FIGN: variants seen among roughly 807,000 people sequenced by gnomAD.
FIGN encodes fidgetin.
A neutral mutation model predicts 51.3 loss-of-function variants in FIGN; 11 were observed. That is an observed-to-expected ratio of 0.21 (90% CI 0.13 to 0.35). The LOEUF (loss-of-function observed/expected upper bound fraction) is 0.35. Among genes scored for constraint, FIGN ranks in the 10% least tolerant of loss-of-function variants. The pLI is 1.00. For synonymous variants in FIGN, 407 were observed against 363.2 expected (o/e 1.12, Z -1.37); for missense variants, 857 against 943.6 (o/e 0.91, Z 1.20).
chr2:163,677,904 T>A (rs946772135), intron 2 of FIGN, among the ~76,000 whole-genome samples: 1 of 152,208 alleles, frequency 6.6e-6, no homozygotes, highest in African/African-American at 2.4e-5. Flanking sequence ...AGATGCAATA[T>A]ATACTGAATA....
intron 2 of FIGN, among the ~76,000 whole-genome samples, chr2:163,643,932 C>CAAAAAAAAAAAAAAAAAAAAAAAAA (rs1162234909): frequency 1.0e-4 from 2 of 19,078 alleles, no homozygotes; most frequent in African/African-American, 2.0e-4. Flanking sequence ...AACTCTGTCT[C>CAAAAAAAAAAAAAAAAAAAAAAAAA]AAAAAAAAAA....
Position 163,610,430 on chromosome 2 carries a change from G to A in FIGN, c.1402C>T (p.Leu468Phe). The change falls in exon 3 of 3, where the codon CTC becomes TTC. Residue 468 changes from leucine to phenylalanine, a missense_variant. Coordinates refer to ENST00000333129, the MANE Select transcript of FIGN (RefSeq NM_018086.4). ...ATCTCATTGGTTACCAGGTCGATGAGGTGCGTGTCAGTATTCTTCAGTTGC... is the reference window on the plus strand; with the variant it reads ...ATCTCATTGGTTACCAGGTCGATGAAGTGCGTGTCAGTATTCTTCAGTTGC... ...DEQLKNTDTH[L>F]IDLVTNEIIT... is the part of the protein sequence containing the mutation. 1 of 1,614,132 alleles carries A rather than the reference G, an allele frequency of 6.2e-7. No individual in the cohort carries two copies. The highest frequency in any genetic ancestry group is 8.5e-7 in the Non-Finnish European group (1 of 1,180,026).
chr2:163,699,284 A>C (rs1051093581), intron 2 of FIGN, among the ~76,000 whole-genome samples: 2 of 151,934 alleles, frequency 1.3e-5, no homozygotes, highest in Non-Finnish European at 2.9e-5. Context: ...TAAAATTAAG[A>C]TAATTTTTTT....
intron 2 of FIGN, among the ~76,000 whole-genome samples, chr2:163,697,225 C>T (rs1411468247): frequency 4.0e-5 from 6 of 151,290 alleles, no homozygotes; most frequent in South Asian, 2.1e-4. Context: ...CCCAGCCTCC[C>T]GAGTAGCTGG....
chr2:163,621,779 T>C (rs974944983), intron 2 of FIGN, among the ~76,000 whole-genome samples: 1 of 152,146 alleles, frequency 6.6e-6, no homozygotes, highest in Non-Finnish European at 1.5e-5. Context: ...CTTTCATTTG[T>C]AAAAACAAAG....
chr2:163,694,386 T>A (rs1396537300), intron 2 of FIGN, among the ~76,000 whole-genome samples: 1 of 152,196 alleles, frequency 6.6e-6, no homozygotes, highest in Non-Finnish European at 1.5e-5. Context: ...ATTAGCATTC[T>A]AGGGGCTCTA....
At chr2:163,701,206 T>C (rs1684402980) in intron 2 of FIGN, among the ~76,000 whole-genome samples, 4 of 152,180 alleles carry the variant, frequency 2.6e-5, no homozygotes, top group Admixed American at 2.6e-4. Context: ...ATTTCCTTAA[T>C]CTCAGTTTTG....
At chr2:163,673,084 C>T (rs1039384548) in intron 2 of FIGN, among the ~76,000 whole-genome samples, 1 of 151,852 alleles carries the variant, frequency 6.6e-6, no homozygotes, top group Non-Finnish European at 1.5e-5. Context: ...CAGCTTACGA[C>T]AGAAAAATAT....
At chr2:163,643,090 T>A (rs1270657001) in intron 2 of FIGN, among the ~76,000 whole-genome samples, 1 of 152,080 alleles carries the variant, frequency 6.6e-6, no homozygotes, top group Non-Finnish European at 1.5e-5. Flanking sequence ...CAATCTTATT[T>A]AAAAAAAGCA....
intron 2 of FIGN, among the ~76,000 whole-genome samples, chr2:163,649,849 C>G (rs1380543270): frequency 6.6e-6 from 1 of 152,138 alleles, no homozygotes; most frequent in Non-Finnish European, 1.5e-5. Flanking sequence ...CCCTGCGGAG[C>G]ATGGAAGAAA....
intron 2 of FIGN, among the ~76,000 whole-genome samples, chr2:163,624,704 A>AT (rs1683027731): frequency 7.5e-6 from 1 of 134,166 alleles, no homozygotes; most frequent in African/African-American, 2.8e-5. Flanking sequence ...ATATATATAT[A>AT]TATATTTTTT....
At chr2:163,664,300 G>A (rs1012316644) in intron 2 of FIGN, among the ~76,000 whole-genome samples, 2 of 152,142 alleles carry the variant, frequency 1.3e-5, no homozygotes, top group African/African-American at 4.8e-5. Context: ...TCCTTCAGCT[G>A]GCTTCCAAAG....
intron 2 of FIGN, among the ~76,000 whole-genome samples, chr2:163,629,316 A>T (rs1287734487): frequency 6.6e-6 from 1 of 152,204 alleles, no homozygotes; most frequent in African/African-American, 2.4e-5. Context: ...GTCAAGTATG[A>T]TTAGGAAAGA....
At chr2:163,645,498 A>C (rs774663697) in intron 2 of FIGN, among the ~76,000 whole-genome samples, 5 of 152,208 alleles carry the variant, frequency 3.3e-5, no homozygotes, top group Admixed American at 6.5e-5. Flanking sequence ...TAGGGAGAAA[A>C]GAAACAGGTA....
intron 2 of FIGN, among the ~76,000 whole-genome samples, chr2:163,613,263 C>T (rs954836602): frequency 4.1e-4 from 63 of 152,020 alleles, no homozygotes; most frequent in African/African-American, 1.5e-3. Flanking sequence ...TTAAGCATCT[C>T]TCCTTCATCT....
In FIGN at chr2:163,608,956, A is replaced by T. The variant is rs1007548572; in HGVS notation, c.*596T>A. On this transcript the variant is annotated 3_prime_UTR_variant, in exon 3 of 3. Coordinates refer to ENST00000333129, the MANE Select transcript of FIGN (RefSeq NM_018086.4). ...TTTTTGCAGACAAGAACATTAAAAG[A>T]AATGAACTGCAGAAATTAAGGTCCA... 3 of 153,014 alleles carry T rather than the reference A, an allele frequency of 2.0e-5. No homozygotes were observed. Among genetic ancestry groups the T allele is most frequent in the Admixed American group, 1.3e-4 (2 of 15,314 alleles). The allele number at this position is 153,014 out of a possible 1,614,324, so 9.5% of individuals were successfully genotyped here.
chr2:163,718,631 G>A (rs1250800900), intron 2 of FIGN, among the ~76,000 whole-genome samples: 1 of 152,082 alleles, frequency 6.6e-6, no homozygotes, highest in African/African-American at 2.4e-5. Context: ...TCTCCCTGAT[G>A]AAAAATCCAG....
chr2:163,605,104 CA>C lies in FIGN; in HGVS notation c.*4447del, dbSNP rs1396361168. On this transcript the variant is annotated 3_prime_UTR_variant, in exon 3 of 3. Transcript: ENST00000333129. ...GCTGACCCATGCTGCCGACATTCTA[CA>C]TATCACTGAGACAGGGAGGTGAAAT... 6.6e-6 allele frequency: 1 copy of C among 152,016 alleles called. No homozygotes were observed. Among genetic ancestry groups the C allele is most frequent in the Admixed American group, 6.6e-5 (1 of 15,216 alleles). 9.4% of individuals were successfully genotyped at this position (152,016 alleles called of 1,614,324 possible). A position where few individuals can be genotyped will look rare whatever the true frequency, so the allele number is the denominator to read the frequency against.
intron 2 of FIGN, among the ~76,000 whole-genome samples, chr2:163,636,716 G>C (rs975334749): frequency 6.6e-6 from 1 of 152,008 alleles, no homozygotes; most frequent in African/African-American, 2.4e-5. Flanking sequence ...CATAACACTA[G>C]GGATGTATGT....
Sources: gnomAD v4.1 joint callset for allele counts (sites outside exome capture counted in the v4.1 genomes callset) on GRCh38, gnomAD v4.1.1 for gene constraint, MANE v1.5 for transcripts, NCBI Gene and HGNC (gene_info 2026-07-23, HGNC 2026-07-21) for gene names.